Variants in PITPNC1 observed in about 807,000 individuals in gnomAD.
The protein encoded by PITPNC1 is phosphatidylinositol transfer protein cytoplasmic 1.
In PITPNC1, 18 loss-of-function variants were observed where a neutral mutation model predicts 44.7. That is an observed-to-expected ratio of 0.40 (90% CI 0.28 to 0.60). The LOEUF is 0.60. PITPNC1 is among the 20% of genes least tolerant of loss of function. PITPNC1 has a pLI of 0.39. For missense variants in PITPNC1, 290 were observed against 418.4 expected, an observed-to-expected ratio of 0.69 and a Z score of 2.68; for synonymous variants, 141 against 149.6, an observed-to-expected ratio of 0.94 and a Z score of 0.42.
At position 67,427,831 on chromosome 17, in the gene PITPNC1, T is replaced by C. The variant is rs549585470; in HGVS notation, c.48+49629T>C. ...TAAGATGGGAGATTGCATTCCTTCG[T>C]GAGCAAGGTGCCTAGAAATCAATTC... is the stretch of plus-strand genomic sequence containing the variant. On this transcript the variant is annotated intron_variant, in intron 1 of 8. Transcript: ENST00000581322. Among the ~76,000 whole-genome samples, 3 of 152,356 alleles carry C rather than the reference T, an allele frequency of 2.0e-5. No individual in the cohort carries two copies. The East Asian group carries it at 5.8e-4, about 29-fold the overall frequency.
intron 1 of PITPNC1, among the ~76,000 whole-genome samples, chr17:67,523,492 AGT>A (rs1019403539): frequency 5.8e-5 from 5 of 86,808 alleles, no homozygotes; most frequent in African/African-American, 2.6e-4. Flanking sequence ...TTAATTTTTA[AGT>A]TTTTTTTTTT....
chr17:67,596,006 G>A (rs2041455445), intron 5 of PITPNC1, among the ~76,000 whole-genome samples: 1 of 152,148 alleles, frequency 6.6e-6, no homozygotes, highest in Admixed American at 6.5e-5. Context: ...ATACTCAGGG[G>A]TAAAACCAAA....
intron 4 of PITPNC1, among the ~76,000 whole-genome samples, chr17:67,554,676 G>T (rs1402073007): frequency 6.6e-6 from 1 of 152,222 alleles, no homozygotes; most frequent in Non-Finnish European, 1.5e-5. Flanking sequence ...GCCCTGGGCA[G>T]GAGCATAGTA....
chr17:67,441,012 G>A (rs2039004992), intron 1 of PITPNC1, among the ~76,000 whole-genome samples: 1 of 152,178 alleles, frequency 6.6e-6, no homozygotes, highest in African/African-American at 2.4e-5. Flanking sequence ...GTACCTAAGT[G>A]TATCAGTCTT....
At chr17:67,626,030 A>G (rs1004686598) in intron 5 of PITPNC1, among the ~76,000 whole-genome samples, 3 of 148,974 alleles carry the variant, frequency 2.0e-5, no homozygotes, top group South Asian at 2.1e-4. Flanking sequence ...TCTGTTGCCC[A>G]GGATGAAGTG....
At chr17:67,681,722 CAAG>C (rs995033422) in intron 8 of PITPNC1, among the ~76,000 whole-genome samples, 3 of 148,844 alleles carry the variant, frequency 2.0e-5, no homozygotes, top group African/African-American at 7.4e-5. Context: ...CTAGTAATCA[CAAG>C]AACCGTAATG....
chr17:67,426,896 A>T (rs2038774927), intron 1 of PITPNC1, among the ~76,000 whole-genome samples: 2 of 152,162 alleles, frequency 1.3e-5, no homozygotes, highest in African/African-American at 4.8e-5. Context: ...TCCATGTTTG[A>T]TGTGAAACAA....
At chr17:67,392,022 C>G (rs551691730) in intron 1 of PITPNC1, among the ~76,000 whole-genome samples, 46 of 152,222 alleles carry the variant, frequency 3.0e-4, no homozygotes, top group African/African-American at 1.1e-3. Flanking sequence ...AAGAGAACCA[C>G]CCCTACACTC....
intron 4 of PITPNC1, among the ~76,000 whole-genome samples, chr17:67,577,516 A>G (rs1978733): frequency 0.22 from 32,561 of 151,016 alleles, 6,066 homozygotes; most frequent in African/African-American, 0.5. Flanking sequence ...AGCCGAGACC[A>G]CACCACTGCA....
Position 67,693,503 on chromosome 17 carries a change from T to TAA in PITPNC1, c.*617_*618dup, listed in dbSNP as rs149265388. ...CATTTATACCTTCCACAGAATTTAA[T>TAA]AAAGATTCTACTTGTTTCTGTCTTT... On this transcript the variant is annotated 3_prime_UTR_variant, in exon 9 of 9. Transcript: ENST00000581322. 1 of 152,662 alleles carries TAA rather than the reference T, an allele frequency of 6.6e-6. No homozygotes were observed. The highest frequency in any genetic ancestry group is 1.5e-5 in the Non-Finnish European group (1 of 68,038). The allele number at this position is 152,662 out of a possible 1,614,324, so 9.5% of individuals were successfully genotyped here.
intron 8 of PITPNC1, among the ~76,000 whole-genome samples, chr17:67,691,748 G>A (rs906389658): frequency 4.6e-5 from 7 of 152,212 alleles, no homozygotes; most frequent in African/African-American, 1.4e-4. Flanking sequence ...GCTCACGCCT[G>A]TAATCCCAAC....
intron 5 of PITPNC1, among the ~76,000 whole-genome samples, chr17:67,623,320 C>T (rs967262533): frequency 2.6e-5 from 4 of 152,066 alleles, no homozygotes; most frequent in African/African-American, 7.2e-5. Flanking sequence ...TAGGCTTGCA[C>T]CTTCCCCACC....
intron 1 of PITPNC1, chr17:67,457,172 C>T (rs4791293): frequency 0.22 from 34,005 of 151,896 alleles, 5,305 homozygotes; most frequent in African/African-American, 0.43. Flanking sequence ...GATGCCAAAC[C>T]TAGTGTGGAT....
intron 4 of PITPNC1, among the ~76,000 whole-genome samples, chr17:67,559,980 C>T (rs551936267): frequency 8.7e-4 from 133 of 152,324 alleles, no homozygotes; most frequent in South Asian, 1.9e-3. Context: ...CGTCACAGTT[C>T]TAGAGAATTT....
chr17:67,670,206 A>G (rs945730045), intron 7 of PITPNC1, among the ~76,000 whole-genome samples: 2 of 152,148 alleles, frequency 1.3e-5, no homozygotes, highest in African/African-American at 4.8e-5. Context: ...TGTGACCTCC[A>G]TGTCTATTAG....
At chr17:67,474,216 C>T (rs2949918) in intron 1 of PITPNC1, among the ~76,000 whole-genome samples, 69,064 of 151,854 alleles carry the variant, frequency 0.45, 16,602 homozygotes, top group African/African-American at 0.61. Context: ...CACCCTGTTC[C>T]CACAAATGGG....
intron 1 of PITPNC1, among the ~76,000 whole-genome samples, chr17:67,393,425 T>A (rs2143804865): frequency 6.6e-6 from 1 of 152,074 alleles, no homozygotes; most frequent in East Asian, 1.9e-4. Flanking sequence ...TTTTAATTGG[T>A]TATTACTTAT....
At chr17:67,533,185 A>C (rs1407383085) in intron 2 of PITPNC1, among the ~76,000 whole-genome samples, 1 of 152,190 alleles carries the variant, frequency 6.6e-6, no homozygotes, top group Non-Finnish European at 1.5e-5. Context: ...GCTTGAGGCC[A>C]GGAGTTTGAG....
At chr17:67,562,884 A>T (rs1036331682) in intron 4 of PITPNC1, among the ~76,000 whole-genome samples, 10 of 152,186 alleles carry the variant, frequency 6.6e-5, no homozygotes, top group African/African-American at 7.2e-5. Context: ...GGAGATAAAA[A>T]TTTTTTAATG....
Sources: allele counts gnomAD v4.1 joint callset (sites outside exome capture counted in the v4.1 genomes callset), GRCh38; gene constraint gnomAD v4.1.1; transcripts MANE v1.5; gene names NCBI Gene and HGNC (gene_info 2026-07-23, HGNC 2026-07-21).